Variants in ZW10 observed in about 807,000 individuals in gnomAD.
The protein encoded by ZW10 is zw10 kinetochore protein.
ZW10 carries 53 observed loss-of-function variants against 87.8 expected under a neutral mutation model. The observed-to-expected ratio is 0.60, with a 90% CI of 0.48 to 0.76. ZW10 has a LOEUF of 0.76. Among genes scored for constraint, ZW10 ranks in the 30% least tolerant of loss-of-function variants. The probability of loss-of-function intolerance (pLI) is 0.00; values close to 1 mark genes in which losing one functional copy is unlikely to be tolerated. For missense variants in ZW10, 837 were observed against 923.0 expected (o/e 0.91, Z 1.21); for synonymous variants, 312 against 329.2 (o/e 0.95, Z 0.57).
At chr11:113,761,073 G>C (rs538633513) in intron 2 of ZW10, among the ~76,000 whole-genome samples, 155 bp from the exon 3 acceptor site, 2 of 152,240 alleles carry the variant, frequency 1.3e-5, no homozygotes, top group African/African-American at 4.8e-5. Context: ...GAATGTAGTA[G>C]GAAGATACCT....
chr11:113,768,727 C>A, intron 2 of ZW10, 106 bp downstream of exon 2: 1 of 1,205,946 alleles, frequency 8.3e-7, no homozygotes, highest in South Asian at 1.6e-5. Context: ...ATTTACCAAT[C>A]AGAAAAGTGA....
Position 113,768,828 on chromosome 11 carries a change from C to T in ZW10, c.240+5G>A, listed in dbSNP as rs886189705. 1.2e-6 allele frequency: 2 copies of T among 1,613,698 alleles called. No individual in the cohort carries two copies. The highest frequency in any genetic ancestry group is 3.3e-5 in the Admixed American group (2 of 59,958). ...AACCTACCCAATATAACAAATTATC[C>T]TTACCTCACTCTCTATCCTGGATTT... On this transcript the variant is annotated splice_donor_5th_base_variant and intron_variant, in intron 2 of 15. Coordinates refer to ENST00000200135, the MANE Select transcript of ZW10 (RefSeq NM_004724.4).
intron 2 of ZW10, among the ~76,000 whole-genome samples, chr11:113,766,376 A>G (rs575434263): frequency 6.6e-6 from 1 of 152,154 alleles, no homozygotes; most frequent in East Asian, 1.9e-4. Context: ...AAAATAAAAA[A>G]TAAGAATTTT....
At chr11:113,751,223 G>A (rs967060553) in intron 7 of ZW10, 4 of 294,828 alleles carry the variant, frequency 1.4e-5, no homozygotes, top group Admixed American at 6.0e-5. Context: ...GAGCAGACAC[G>A]ACAAAAGCGA....
chr11:113,738,427 A>T, intron 12 of ZW10, 33 bp from the exon 13 acceptor site: 1 of 1,604,206 alleles, frequency 6.2e-7, no homozygotes. Context: ...AAAATTTTAA[A>T]AGCTGCTCAA....
At chr11:113,773,453 C>T in intron 1 of ZW10, 109 bp downstream of exon 1, 1 of 885,758 alleles carries the variant, frequency 1.1e-6, no homozygotes, top group South Asian at 1.6e-5. Context: ...AGGCCCCACT[C>T]TGCTGGTCCC....
chr11:113,756,065 G>A (rs570390703), intron 7 of ZW10, among the ~76,000 whole-genome samples: 1 of 152,170 alleles, frequency 6.6e-6, no homozygotes, highest in East Asian at 1.9e-4. Context: ...AACCAAACCC[G>A]CAATATCTCT....
In ZW10 at chr11:113,743,885, T is replaced by G; in HGVS notation, c.1428A>C (p.Thr476=). 6.2e-7 allele frequency: 1 copy of G among 1,614,164 alleles called. No individual in the cohort carries two copies. The highest frequency in any genetic ancestry group is 8.5e-7 in the Non-Finnish European group (1 of 1,180,016). ...TLDQHSFSLP[T]CRISESVKKL... ...TCTTCACAGACTCACTGATACGGCATGTGGGCAAGGAAAAGGAATGTTGGT... is the reference window on the plus strand; with the variant it reads ...TCTTCACAGACTCACTGATACGGCAGGTGGGCAAGGAAAAGGAATGTTGGT... Residue 476 remains threonine (T), a synonymous_variant, in exon 10 of 16, where the codon ACA becomes ACC. Coordinates refer to ENST00000200135, the MANE Select transcript of ZW10 (RefSeq NM_004724.4).
intron 2 of ZW10, among the ~76,000 whole-genome samples, chr11:113,766,714 T>A (rs12363723): frequency 5.7e-4 from 70 of 123,386 alleles, no homozygotes; most frequent in South Asian, 7.6e-4. Context: ...TTTTAAAAAT[T>A]AAAAAAAAAA....
intron 5 of ZW10, 105 bp from the exon 6 acceptor site, chr11:113,758,811 A>G (rs952673115): frequency 1.5e-5 from 16 of 1,072,872 alleles, no homozygotes; most frequent in Admixed American, 2.2e-5. Context: ...GTTCTATTAC[A>G]ATATACTCCT....
intron 2 of ZW10, among the ~76,000 whole-genome samples, chr11:113,766,232 G>A (rs940812591): frequency 6.6e-6 from 1 of 151,946 alleles, no homozygotes; most frequent in Non-Finnish European, 1.5e-5. Flanking sequence ...GGGCATGATG[G>A]CTTATACCTG....
At chr11:113,765,143 C>G (rs566681142) in intron 2 of ZW10, among the ~76,000 whole-genome samples, 1 of 152,160 alleles carries the variant, frequency 6.6e-6, no homozygotes, top group African/African-American at 2.4e-5. Context: ...TTATCCAGCC[C>G]AAAACATCAA....
intron 2 of ZW10, 70 bp from the exon 3 acceptor site, chr11:113,760,988 A>T: frequency 8.2e-7 from 1 of 1,217,506 alleles, no homozygotes; most frequent in South Asian, 1.3e-5. Context: ...TTTAAAGCAA[A>T]TCAATAAGCT....
rs141896735 is a variant in ZW10 at position 113,760,231 on chromosome 11, T to C, written c.558A>G (p.Val186=). ...CACCTTTTGATGGTGGGAACTTCCATACAATCAGCTTCTGCCACTCTTCTC... is the reference window on the plus strand; with the variant it reads ...CACCTTTTGATGGTGGGAACTTCCACACAATCAGCTTCTGCCACTCTTCTC... ...HLGEEWQKLI[V]WKFPPSKDTS... is the part of the protein sequence containing the mutation. The change falls in exon 5 of 16, where the codon GTA becomes GTG. Residue 186 remains valine, a synonymous_variant. Coordinates refer to ENST00000200135, the MANE Select transcript of ZW10 (RefSeq NM_004724.4). 7.4e-6 allele frequency: 12 copies of C among 1,613,968 alleles called. No homozygotes were observed. The African/African-American group carries it at 8.0e-5, about 11-fold the overall frequency.
intron 5 of ZW10, 36 bp from the exon 6 acceptor site, chr11:113,758,742 CAATA>C: frequency 6.2e-7 from 1 of 1,603,966 alleles, no homozygotes; most frequent in Non-Finnish European, 8.5e-7. Context: ...GCTGTCTCAC[CAATA>C]TGAGATGTTC....
intron 7 of ZW10, 48 bp downstream of exon 7, chr11:113,757,614 C>T: frequency 7.9e-7 from 1 of 1,263,080 alleles, no homozygotes. Context: ...CTTTTATAAA[C>T]AATATTTAGT....
chr11:113,759,209 A>C (rs998194936), intron 5 of ZW10, among the ~76,000 whole-genome samples: 4 of 152,088 alleles, frequency 2.6e-5, no homozygotes, highest in Non-Finnish European at 5.9e-5. Flanking sequence ...AAAAAAGAAA[A>C]ATGAGGTCCT....
At chr11:113,733,849 AG>A (rs767571699) in intron 15 of ZW10, 35 bp from the exon 16 acceptor site, 7 of 1,552,780 alleles carry the variant, frequency 4.5e-6, no homozygotes, top group Non-Finnish European at 6.1e-6. Context: ...ATTTCCTATT[AG>A]GTCTCTGAAG....
chr11:113,746,190 T>C (rs1953674637), intron 9 of ZW10, among the ~76,000 whole-genome samples: 1 of 152,058 alleles, frequency 6.6e-6, no homozygotes, highest in Non-Finnish European at 1.5e-5. Context: ...CATTAGGATT[T>C]GAGTACTCAG....
Sources: allele counts gnomAD v4.1 joint callset (sites outside exome capture counted in the v4.1 genomes callset), GRCh38; gene constraint gnomAD v4.1.1; transcripts MANE v1.5; gene names NCBI Gene and HGNC (gene_info 2026-07-23, HGNC 2026-07-21).